CCDC192: variants seen among roughly 807,000 people sequenced by gnomAD.
CCDC192 encodes coiled-coil domain containing 192, also known as coiled-coil domain-containing protein 192.
chr5:127,910,759 C>G lies in CCDC192; in HGVS notation c.536-30423C>G, dbSNP rs573972788. Among the ~76,000 whole-genome samples the G allele has an allele frequency of 1.3e-4, 20 of 152,244 alleles. 1 individual carries two copies. The South Asian group carries it at 3.3e-3, about 25-fold the overall frequency. On this transcript the variant is annotated intron_variant, in intron 6 of 6. Transcript: ENST00000514853. ...TCCAGATCACAGTATTTCACATGAC[C>G]CCATACACAGGCTAACAGCAGTGTC...
chr5:127,718,456 C>T (rs2126792393), intron 2 of CCDC192, among the ~76,000 whole-genome samples: 2 of 151,462 alleles, frequency 1.3e-5, no homozygotes, highest in East Asian at 3.9e-4. Flanking sequence ...AAGTTCCTAA[C>T]AACTGGCATA....
At chr5:127,716,187 A>G (rs1303819301) in intron 2 of CCDC192, among the ~76,000 whole-genome samples, 1 of 152,054 alleles carries the variant, frequency 6.6e-6, no homozygotes, top group Non-Finnish European at 1.5e-5. Flanking sequence ...GTAATGAGTA[A>G]TGTTTATTGA....
intron 6 of CCDC192, among the ~76,000 whole-genome samples, chr5:127,885,094 A>G (rs1384371570): frequency 7.1e-6 from 1 of 140,418 alleles, no homozygotes; most frequent in Admixed American, 7.4e-5. Context: ...ATTCCTTAGG[A>G]ATGGTACTTT....
intron 2 of CCDC192, among the ~76,000 whole-genome samples, chr5:127,753,016 A>T (rs1728773975): frequency 6.6e-6 from 1 of 151,886 alleles, no homozygotes; most frequent in Non-Finnish European, 1.5e-5. Flanking sequence ...ACTGTCTGGC[A>T]CTCCCTAGTG....
At chr5:127,719,067 TG>T (rs1026376377) in intron 2 of CCDC192, among the ~76,000 whole-genome samples, 3 of 152,152 alleles carry the variant, frequency 2.0e-5, no homozygotes, top group Non-Finnish European at 4.4e-5. Context: ...TTCCAGCTTC[TG>T]TTAGCCATCC....
At chr5:127,755,158 C>T (rs1754503678) in intron 3 of CCDC192, among the ~76,000 whole-genome samples, 1 of 151,934 alleles carries the variant, frequency 6.6e-6, no homozygotes, top group African/African-American at 2.4e-5. Flanking sequence ...ATGGAGGAGG[C>T]CCTGCAATGT....
chr5:127,838,941 C>A lies in CCDC192; in HGVS notation c.412-36597C>A, dbSNP rs542335399. Among the ~76,000 whole-genome samples the A allele has an allele frequency of 1.2e-4, 19 of 152,338 alleles. 1 individual carries two copies. The South Asian group carries it at 3.5e-3, about 28-fold the overall frequency. ...GCCTGGGCCTCTTCCCGTGAGATTACATCCCCTCCCAAGGAGGCTGAACAA... is the reference window on the plus strand; with the variant it reads ...GCCTGGGCCTCTTCCCGTGAGATTAAATCCCCTCCCAAGGAGGCTGAACAA... On this transcript the variant is annotated intron_variant, in intron 5 of 6. Coordinates refer to ENST00000514853, the MANE Select transcript of CCDC192 (RefSeq NM_001317938.2).
At chr5:127,777,133 A>G (rs1410625922) in intron 3 of CCDC192, among the ~76,000 whole-genome samples, 1 of 152,112 alleles carries the variant, frequency 6.6e-6, no homozygotes, top group Non-Finnish European at 1.5e-5. Context: ...AGCCACAAAC[A>G]CTCAATGCCA....
intron 6 of CCDC192, among the ~76,000 whole-genome samples, chr5:127,888,417 A>G (rs968302550): frequency 1.3e-5 from 2 of 152,106 alleles, no homozygotes; most frequent in Admixed American, 1.3e-4. Context: ...CTCTGGCTCA[A>G]ACAAACAAAA....
At chr5:127,857,689 G>A (rs1179770323) in intron 5 of CCDC192, 1 of 152,194 alleles carries the variant, frequency 6.6e-6, no homozygotes, top group East Asian at 1.9e-4. Flanking sequence ...ATTAGTTGAT[G>A]TAGTTTTCAG....
chr5:127,876,063 ATTT>A (rs55862955), intron 6 of CCDC192, among the ~76,000 whole-genome samples: 370 of 128,776 alleles, frequency 2.9e-3, no homozygotes, highest in East Asian at 3.4e-3. Context: ...AGAGAACAGA[ATTT>A]TTTTTTTTTT....
At chr5:127,729,523 A>G (rs1336357881) in intron 2 of CCDC192, among the ~76,000 whole-genome samples, 1 of 152,196 alleles carries the variant, frequency 6.6e-6, no homozygotes, top group African/African-American at 2.4e-5. Context: ...AATGGATCTG[A>G]TATGTATCTG....
chr5:127,871,325 A>G (rs561992942), intron 5 of CCDC192, among the ~76,000 whole-genome samples: 43 of 152,380 alleles, frequency 2.8e-4, no homozygotes, highest in African/African-American at 1.0e-3. Flanking sequence ...TCTTGCTTTC[A>G]ATTAAGTATG....
intron 3 of CCDC192, among the ~76,000 whole-genome samples, chr5:127,773,626 C>T (rs750370430): frequency 6.6e-6 from 1 of 152,114 alleles, no homozygotes; most frequent in Non-Finnish European, 1.5e-5. Flanking sequence ...CTTTTTATGC[C>T]TGAATAATAT....
chr5:127,881,406 A>AATGT (rs1752346463), intron 6 of CCDC192, among the ~76,000 whole-genome samples: 1 of 151,482 alleles, frequency 6.6e-6, no homozygotes. Context: ...ATAAATTAGA[A>AATGT]CTCCTTTTTA....
chr5:127,707,822 A>T (rs1172908226), intron 2 of CCDC192, 62 bp downstream of exon 2: 2 of 396,274 alleles, frequency 5.0e-6, no homozygotes, highest in Non-Finnish European at 8.9e-6. Context: ...AATGAAACTA[A>T]CTTCTTTAAT....
rs1244092271 is a variant in CCDC192, at chr5:127,905,215, C to G, written c.535+29554C>G. ...TCCTGATGAGTTAGAATAAGGGCTACCTCAGGAGACAAAAGTTTCAACCTA... is the reference window on the plus strand; with the variant it reads ...TCCTGATGAGTTAGAATAAGGGCTAGCTCAGGAGACAAAAGTTTCAACCTA... On this transcript the variant is annotated intron_variant, in intron 6 of 6. Coordinates refer to ENST00000514853, the MANE Select transcript of CCDC192 (RefSeq NM_001317938.2). 2.0e-5 allele frequency among the ~76,000 whole-genome samples: 3 copies of G among 152,214 alleles called. No individual in the cohort carries two copies. The South Asian group carries it at 6.2e-4, about 32-fold the overall frequency.
intron 6 of CCDC192, 171 bp from the exon 7 acceptor site, chr5:127,941,011 C>A (rs966479012): frequency 2.5e-6 from 1 of 393,950 alleles, no homozygotes; most frequent in Non-Finnish European, 4.5e-6. Flanking sequence ...CACCCAGAAT[C>A]TTTCCTCTCA....
chr5:127,759,693 C>T (rs936377469), intron 3 of CCDC192, among the ~76,000 whole-genome samples: 2 of 152,194 alleles, frequency 1.3e-5, no homozygotes, highest in Non-Finnish European at 2.9e-5. Context: ...CTGTGTAGTT[C>T]TCTTTATGCC....
Sources: allele counts gnomAD v4.1 joint callset (sites outside exome capture counted in the v4.1 genomes callset), GRCh38; gene constraint gnomAD v4.1.1; transcripts MANE v1.5; gene names NCBI Gene and HGNC (gene_info 2026-07-23, HGNC 2026-07-21).